Variants in SYN3 observed in about 807,000 individuals in gnomAD.
The protein encoded by SYN3 is synapsin III, also known as synapsin-3.
Under a neutral mutation model 65.8 loss-of-function variants are expected in SYN3, and 35 were observed. The observed-to-expected ratio is 0.53, with a 90% CI of 0.41 to 0.70. SYN3 has a LOEUF of 0.70. Ranked by LOEUF, SYN3 falls within the 30% of genes least tolerant of loss-of-function variation. The pLI is 0.00. For missense variants in SYN3, 680 were observed against 749.0 expected (o/e 0.91, Z 1.08); for synonymous variants, 270 against 292.9 (o/e 0.92, Z 0.80).
At chr22:32,950,022 G>A (rs1206841027) in intron 3 of SYN3, among the ~76,000 whole-genome samples, 1 of 152,152 alleles carries the variant, frequency 6.6e-6, no homozygotes, top group Non-Finnish European at 1.5e-5. Context: ...GGAATCCCAG[G>A]GTGACTGATA....
intron 6 of SYN3, among the ~76,000 whole-genome samples, chr22:32,785,386 C>T (rs74432357): frequency 0.012 from 1,802 of 152,266 alleles, 16 homozygotes; most frequent in Non-Finnish European, 0.016. Flanking sequence ...GAGGGTCCCT[C>T]GTACTTTCTT....
chr22:32,569,563 C>CTGTATATATA (rs373627613), intron 7 of SYN3, among the ~76,000 whole-genome samples: 2 of 52,880 alleles, frequency 3.8e-5, no homozygotes, highest in African/African-American at 1.2e-4. Flanking sequence ...CTCTCTCTCT[C>CTGTATATATA]TCTCTCTCTA....
At chr22:32,616,370 G>A (rs540084645) in intron 6 of SYN3, among the ~76,000 whole-genome samples, 41 of 152,284 alleles carry the variant, frequency 2.7e-4, no homozygotes, top group African/African-American at 8.9e-4. Flanking sequence ...TGCTAAGGAC[G>A]GACATGTCTC....
At chr22:32,977,856 T>C (rs1569372147) in intron 3 of SYN3, among the ~76,000 whole-genome samples, 1 of 152,192 alleles carries the variant, frequency 6.6e-6, no homozygotes, top group Non-Finnish European at 1.5e-5. Flanking sequence ...CAGTTCTCTT[T>C]TGTGCCAGGC....
intron 1 of SYN3, among the ~76,000 whole-genome samples, chr22:33,011,750 T>C (rs2053357037): frequency 6.6e-6 from 1 of 152,222 alleles, no homozygotes; most frequent in Non-Finnish European, 1.5e-5. Context: ...ATCTCTTTTA[T>C]AAAGCTATTC....
At chr22:32,970,022 T>C (rs2051969577) in intron 3 of SYN3, among the ~76,000 whole-genome samples, 1 of 152,248 alleles carries the variant, frequency 6.6e-6, no homozygotes. Flanking sequence ...ATATCCTTTC[T>C]ATTTCTGAAT....
intron 6 of SYN3, among the ~76,000 whole-genome samples, chr22:32,689,573 GCTTT>G (rs1373989721): frequency 1.3e-5 from 2 of 152,164 alleles, no homozygotes; most frequent in African/African-American, 4.8e-5. Context: ...ATTCTTACCT[GCTTT>G]CTTTGTTTCC....
At chr22:32,683,149 G>A (rs1369730948) in intron 6 of SYN3, among the ~76,000 whole-genome samples, 10 of 152,194 alleles carry the variant, frequency 6.6e-5, no homozygotes, top group African/African-American at 2.4e-4. Context: ...AGCAAGTGAT[G>A]ATGGAGTGAG....
chr22:32,887,062 G>A (rs2049313782), intron 4 of SYN3, among the ~76,000 whole-genome samples: 1 of 152,156 alleles, frequency 6.6e-6, no homozygotes, highest in Admixed American at 6.6e-5. Context: ...TTGCTTTGAA[G>A]TAACAAGCTG....
At chr22:32,622,541 G>C (rs577038303) in intron 6 of SYN3, among the ~76,000 whole-genome samples, 3 of 152,120 alleles carry the variant, frequency 2.0e-5, no homozygotes, top group African/African-American at 7.2e-5. Flanking sequence ...GGCAGCTGAG[G>C]GGGAGGCCCA....
At chr22:32,957,494 T>G (rs1241680593) in intron 3 of SYN3, among the ~76,000 whole-genome samples, 3 of 152,232 alleles carry the variant, frequency 2.0e-5, no homozygotes, top group Non-Finnish European at 4.4e-5. Flanking sequence ...CCTCATGTGC[T>G]GGCGCCTATT....
chr22:32,530,231 A>G (rs2058046746), intron 10 of SYN3: 1 of 152,200 alleles, frequency 6.6e-6, no homozygotes, highest in South Asian at 2.1e-4. Flanking sequence ...GCTCATAAGG[A>G]TAAGGATACT....
intron 6 of SYN3, among the ~76,000 whole-genome samples, chr22:32,600,487 C>A: frequency 6.6e-6 from 1 of 152,204 alleles, no homozygotes; most frequent in East Asian, 1.9e-4. Context: ...AGGTGGGGGA[C>A]CCCTGCTCCA....
At chr22:32,871,400 A>T (rs1266339824) in intron 4 of SYN3, among the ~76,000 whole-genome samples, 4 of 152,168 alleles carry the variant, frequency 2.6e-5, no homozygotes. Flanking sequence ...AAATAAAAGT[A>T]GCAGGAAGCT....
At chr22:32,762,853 G>C (rs1000835417) in intron 6 of SYN3, among the ~76,000 whole-genome samples, 2 of 140,490 alleles carry the variant, frequency 1.4e-5, no homozygotes, top group Non-Finnish European at 3.2e-5. Flanking sequence ...CATCTCAAAG[G>C]GCTGTTGAGA....
chr22:32,881,313 C>A lies in SYN3; in HGVS notation c.462-12188G>T, dbSNP rs570299057. 5.9e-5 allele frequency among the ~76,000 whole-genome samples: 9 copies of A among 152,252 alleles called. No individual in the cohort carries two copies. In the East Asian group the frequency reaches 1.7e-3, roughly 29 times the overall value. On this transcript the variant is annotated intron_variant, in intron 4 of 13. Transcript: ENST00000358763. ...GGTGATGGGAGAGCACATTTCAAAC[C>A]CAGGCCAGGCGCTAATATGTACTTA...
rs138845044 is a variant in SYN3 at position 32,963,187 on chromosome 22, G to A, written c.369+17458C>T. Among the ~76,000 whole-genome samples, 434 of 148,166 alleles carry A rather than the reference G, an allele frequency of 2.9e-3. 3 individuals are homozygous for A. Among genetic ancestry groups the A allele is most frequent in the African/African-American group, 0.01 (420 of 40,064 alleles). ...TGCCTCTCGGGTTCAAGCCATTCTC[G>A]TGCCTCAGCCTCCGAGCAGCTAGGA... On this transcript the variant is annotated intron_variant, in intron 3 of 13. Transcript: ENST00000358763.
intron 7 of SYN3, among the ~76,000 whole-genome samples, chr22:32,572,105 T>C (rs1178928151): frequency 1.3e-5 from 2 of 151,852 alleles, no homozygotes; most frequent in African/African-American, 4.8e-5. Flanking sequence ...GGGAAGGTAC[T>C]TAAGTTGGGT....
chr22:32,630,486 T>G (rs548912895), intron 6 of SYN3, among the ~76,000 whole-genome samples: 2 of 152,180 alleles, frequency 1.3e-5, no homozygotes, highest in Non-Finnish European at 2.9e-5. Flanking sequence ...GAAGATAGGA[T>G]CCAACCCTAC....
Sources: allele counts gnomAD v4.1 joint callset (sites outside exome capture counted in the v4.1 genomes callset), GRCh38; gene constraint gnomAD v4.1.1; transcripts MANE v1.5; gene names NCBI Gene and HGNC (gene_info 2026-07-23, HGNC 2026-07-21).